ERP44: variants seen among roughly 807,000 people sequenced by gnomAD.
ERP44 encodes endoplasmic reticulum protein 44, also known as endoplasmic reticulum resident protein 44.
Under a neutral mutation model 53.4 loss-of-function variants are expected in ERP44, and 25 were observed. The ratio of observed to expected loss-of-function variants is 0.47; its 90% confidence interval spans 0.34 to 0.65. The LOEUF is 0.65. ERP44 is among the 30% of genes least tolerant of loss of function. The pLI is 0.01. For missense variants in ERP44, 338 were observed against 493.2 expected, an observed-to-expected ratio of 0.69 and a Z score of 2.98; for synonymous variants, 145 against 161.2, an observed-to-expected ratio of 0.90 and a Z score of 0.76.
intron 10 of ERP44, among the ~76,000 whole-genome samples, chr9:99,989,710 T>C (rs138430752): frequency 6.6e-6 from 1 of 152,128 alleles, no homozygotes; most frequent in Non-Finnish European, 1.5e-5. Context: ...CTTCAGAAGG[T>C]CGGTAATAAC....
At chr9:100,064,230 T>C (rs775272094) in intron 1 of ERP44, among the ~76,000 whole-genome samples, 2 of 152,214 alleles carry the variant, frequency 1.3e-5, no homozygotes, top group Non-Finnish European at 2.9e-5. Context: ...GACCACCTTA[T>C]TCAATTTTGT....
At chr9:99,998,487 CG>C in intron 10 of ERP44, 3 of 709,002 alleles carry the variant, frequency 4.2e-6, no homozygotes, top group Non-Finnish European at 7.9e-6. Context: ...GGTCTCTCCA[CG>C]GCCTCCCTCG....
chr9:100,093,266 T>G (rs1260525657), intron 1 of ERP44, among the ~76,000 whole-genome samples: 1 of 152,030 alleles, frequency 6.6e-6, no homozygotes, highest in East Asian at 1.9e-4. Context: ...GACATATGAC[T>G]GAATTCACAT....
intron 1 of ERP44, among the ~76,000 whole-genome samples, chr9:100,085,241 A>G (rs966921966): frequency 2.0e-5 from 3 of 152,188 alleles, no homozygotes; most frequent in Admixed American, 6.5e-5. Context: ...CATCTTTCCA[A>G]TGGTAGGTAT....
At chr9:100,018,749 T>C (rs1266900982) in intron 6 of ERP44, among the ~76,000 whole-genome samples, 6 of 152,248 alleles carry the variant, frequency 3.9e-5, no homozygotes, top group Non-Finnish European at 1.5e-5. Flanking sequence ...AGTTGCTTAA[T>C]AAACATTTGT....
At chr9:100,023,984 G>A (rs1035053222) in intron 4 of ERP44, among the ~76,000 whole-genome samples, 3 of 151,952 alleles carry the variant, frequency 2.0e-5, no homozygotes, top group South Asian at 4.2e-4. Flanking sequence ...GCAAGACCTT[G>A]TCTCTACTAA....
At chr9:100,027,439 C>CT (rs977555763) in intron 4 of ERP44, among the ~76,000 whole-genome samples, 70 of 148,644 alleles carry the variant, frequency 4.7e-4, no homozygotes, top group South Asian at 1.3e-3. Flanking sequence ...AGACATAATG[C>CT]TTTTTTTTTT....
rs369917774 is a variant in ERP44, at chr9:99,982,563, C to G, written c.*49G>C. ...AAATATAGGTTTACTATTTCCACCACGTAGGTTGATGCTGCTGTTGAAAGG... is the reference window on the plus strand; with the variant it reads ...AAATATAGGTTTACTATTTCCACCAGGTAGGTTGATGCTGCTGTTGAAAGG... On this transcript the variant is annotated 3_prime_UTR_variant, in exon 12 of 12. Transcript: ENST00000262455. 3.5e-6 allele frequency: 3 copies of G among 863,936 alleles called. No homozygotes were observed. The highest frequency in any genetic ancestry group is 2.7e-5 in the Admixed American group (1 of 37,326). 53.5% of individuals were successfully genotyped at this position (863,936 alleles called of 1,614,324 possible).
intron 10 of ERP44, among the ~76,000 whole-genome samples, chr9:99,995,125 TAAAAA>T (rs926840634): frequency 1.4e-5 from 2 of 148,124 alleles, no homozygotes; most frequent in East Asian, 3.9e-4. Context: ...AAATGGAACT[TAAAAA>T]AAAAAATCCT....
chr9:100,060,032 T>C (rs1826126193), intron 2 of ERP44, 68 bp downstream of exon 2: 3 of 1,235,424 alleles, frequency 2.4e-6, no homozygotes, highest in Non-Finnish European at 3.1e-6. Flanking sequence ...TGGGTTTTTT[T>C]TTTGTATATA....
At chr9:100,020,566 A>T in intron 6 of ERP44, 50 bp downstream of exon 6, 2 of 909,372 alleles carry the variant, frequency 2.2e-6, no homozygotes, top group Non-Finnish European at 3.6e-6. Context: ...ACAGCAATTT[A>T]ACATGGCAGC....
intron 10 of ERP44, among the ~76,000 whole-genome samples, chr9:99,997,994 A>G (rs1215369555): frequency 1.3e-5 from 2 of 152,038 alleles, no homozygotes; most frequent in Non-Finnish European, 1.5e-5. Flanking sequence ...CTGATCCAAT[A>G]CTAACTTTCT....
chr9:100,068,443 G>C (rs1407570671), intron 1 of ERP44, among the ~76,000 whole-genome samples: 5 of 128,478 alleles, frequency 3.9e-5, no homozygotes, highest in African/African-American at 1.4e-4. Flanking sequence ...GAGGTGAGAG[G>C]TGCCTCTGCC....
intron 10 of ERP44, among the ~76,000 whole-genome samples, chr9:99,988,574 C>G: frequency 6.6e-6 from 1 of 152,116 alleles, no homozygotes; most frequent in East Asian, 1.9e-4. Context: ...CCAAGATGGC[C>G]GAATAGGAAG....
At chr9:100,094,269 G>A (rs889824374) in intron 1 of ERP44, among the ~76,000 whole-genome samples, 3 of 151,654 alleles carry the variant, frequency 2.0e-5, no homozygotes, top group African/African-American at 7.3e-5. Context: ...TCCAAGTGGA[G>A]GGAGAAACAA....
chr9:100,060,286 CAATTG>C, intron 1 of ERP44, 114 bp from the exon 2 acceptor site: 1 of 1,101,200 alleles, frequency 9.1e-7, no homozygotes. Context: ...AATTATACAT[CAATTG>C]AATTGAATCT....
intron 4 of ERP44, among the ~76,000 whole-genome samples, chr9:100,037,553 G>A (rs1434682098): frequency 6.6e-6 from 1 of 152,030 alleles, no homozygotes; most frequent in Non-Finnish European, 1.5e-5. Context: ...GTTAACCCCA[G>A]ACTGCATAGC....
At chr9:100,014,599 C>T (rs1238964046) in intron 8 of ERP44, among the ~76,000 whole-genome samples, 1 of 152,138 alleles carries the variant, frequency 6.6e-6, no homozygotes, top group African/African-American at 2.4e-5. Context: ...CTGGTCTTTA[C>T]ATTTTTAAAT....
rs868605228 is a variant in ERP44 at position 100,060,242 on chromosome 9, A to G, written c.58-70T>C. 3.2e-5 allele frequency: 42 copies of G among 1,328,680 alleles called. No homozygotes were observed. In the Middle Eastern group the frequency reaches 3.3e-3, roughly 105 times the overall value. The allele number at this position is 1,328,680 out of a possible 1,614,324, so 82.3% of individuals were successfully genotyped here. Reference sequence around the variant, plus strand: ...GACAAATACGTAAAAGCGAAGTCTAAAAATAAATGTGTGATTCCACTTGTT... The same window carrying G: ...GACAAATACGTAAAAGCGAAGTCTAGAAATAAATGTGTGATTCCACTTGTT... On this transcript the variant is annotated intron_variant, in intron 1 of 11. Transcript: ENST00000262455.
Sources: allele counts gnomAD v4.1 joint callset (sites outside exome capture counted in the v4.1 genomes callset), GRCh38; gene constraint gnomAD v4.1.1; transcripts MANE v1.5; gene names NCBI Gene and HGNC (gene_info 2026-07-23, HGNC 2026-07-21).